Variants in KLHL8 observed in about 807,000 individuals in gnomAD.
The protein encoded by KLHL8 is kelch like family member 8.
In KLHL8, 38 loss-of-function variants were observed where a neutral mutation model predicts 63.5. The ratio of observed to expected loss-of-function variants is 0.60; its 90% CI spans 0.46 to 0.78. The LOEUF (loss-of-function observed/expected upper bound fraction) is 0.78, where lower values mean the gene tolerates loss of function less well. KLHL8 is among the 30% of genes least tolerant of loss of function. The pLI, the probability that KLHL8 is intolerant of heterozygous loss-of-function variation, is 0.00. For synonymous variants in KLHL8, 224 were observed against 254.3 expected (o/e 0.88, Z 1.13); for missense variants, 566 against 752.4 (o/e 0.75, Z 2.90).
Position 87,161,439 on chromosome 4 carries a change from T to G in KLHL8, c.*2080A>C, listed in dbSNP as rs943753416. 1 of 152,174 alleles carries G rather than the reference T, an allele frequency of 6.6e-6. No individual in the cohort carries two copies. The highest frequency in any genetic ancestry group is 6.5e-5 in the Admixed American group (1 of 15,282). The allele number at this position is 152,174 out of a possible 1,614,324, so 9.4% of individuals were successfully genotyped here. ...GAGTATTTCATATTTTACGGGTAGGTAGGGTACCAACTTAGTATGTTAGAT... is the reference window on the plus strand; with the variant it reads ...GAGTATTTCATATTTTACGGGTAGGGAGGGTACCAACTTAGTATGTTAGAT... On this transcript the variant is annotated 3_prime_UTR_variant, in exon 10 of 10. Transcript: ENST00000273963.
At chr4:87,239,346 GAGA>G (rs2110075683) in intron 1 of KLHL8, among the ~76,000 whole-genome samples, 1 of 152,342 alleles carries the variant, frequency 6.6e-6, no homozygotes, top group African/African-American at 2.4e-5. Context: ...GCTTGGAAAG[GAGA>G]CCCCAGGGAG....
intron 8 of KLHL8, among the ~76,000 whole-genome samples, chr4:87,168,762 GTATATA>G (rs759534647): frequency 2.1e-5 from 3 of 141,462 alleles, no homozygotes; most frequent in African/African-American, 7.8e-5. Context: ...ATATGTGTGT[GTATATA>G]TATGTGTATA....
chr4:87,177,706 A>G (rs1730883447), intron 5 of KLHL8, among the ~76,000 whole-genome samples: 1 of 152,094 alleles, frequency 6.6e-6, no homozygotes, highest in African/African-American at 2.4e-5. Context: ...TCCTAGGCTC[A>G]AGTGATCCTT....
intron 1 of KLHL8, among the ~76,000 whole-genome samples, chr4:87,203,725 AAC>A (rs1732008374): frequency 6.6e-6 from 1 of 151,172 alleles, no homozygotes; most frequent in South Asian, 2.1e-4. Flanking sequence ...TTTTGAAGAA[AAC>A]ACAGAAAAAC....
At chr4:87,209,848 G>GTTTTTTTTT (rs35717106) in intron 1 of KLHL8, among the ~76,000 whole-genome samples, 3 of 105,384 alleles carry the variant, frequency 2.8e-5, no homozygotes, top group African/African-American at 9.9e-5. Context: ...TCCGTTTTGG[G>GTTTTTTTTT]TTTTTTTTTT....
chr4:87,163,065 C>T lies in KLHL8; in HGVS notation c.*454G>A, dbSNP rs1730234096. On this transcript the variant is annotated 3_prime_UTR_variant, in exon 10 of 10. Transcript: ENST00000273963. ...ATCAGCACCAAGTAGAAATGATCTT[C>T]AAAAGGGGCAAGTCTCTTATGTATC... 6.6e-6 allele frequency: 1 copy of T among 152,008 alleles called. No homozygotes were observed. Among genetic ancestry groups the T allele is most frequent in the Non-Finnish European group, 1.5e-5 (1 of 68,026 alleles). 9.4% of individuals were successfully genotyped at this position (152,008 alleles called of 1,614,324 possible).
chr4:87,212,190 T>C (rs924949087), intron 1 of KLHL8, among the ~76,000 whole-genome samples: 1 of 152,204 alleles, frequency 6.6e-6, no homozygotes, highest in African/African-American at 2.4e-5. Flanking sequence ...TAGGCTCCAT[T>C]TAGCTAAGAT....
chr4:87,217,231 C>T (rs1015819505), intron 1 of KLHL8, among the ~76,000 whole-genome samples: 1 of 131,520 alleles, frequency 7.6e-6, no homozygotes, highest in Non-Finnish European at 1.6e-5. Flanking sequence ...TAATATAAAC[C>T]ATTTTGTTCA....
upstream of KLHL8, among the ~76,000 whole-genome samples, chr4:87,221,736 T>C (rs1578408296): frequency 6.6e-6 from 1 of 152,126 alleles, no homozygotes; most frequent in African/African-American, 2.4e-5. Flanking sequence ...AGCAACTATT[T>C]GAATTTGAAA....
At chr4:87,181,319 A>G in intron 4 of KLHL8, among the ~76,000 whole-genome samples, 1 of 151,866 alleles carries the variant, frequency 6.6e-6, no homozygotes, top group South Asian at 2.1e-4. Context: ...GGTGGGGCAC[A>G]CAAGAATGGC....
chr4:87,196,754 T>C (rs1376103050), intron 1 of KLHL8, among the ~76,000 whole-genome samples: 1 of 152,206 alleles, frequency 6.6e-6, no homozygotes, highest in Non-Finnish European at 1.5e-5. Flanking sequence ...AAGTTACTAA[T>C]GAAACACCTA....
At chr4:87,228,753 G>T (rs1313664510) in intron 1 of KLHL8, among the ~76,000 whole-genome samples, 2 of 152,152 alleles carry the variant, frequency 1.3e-5, no homozygotes, top group African/African-American at 4.8e-5. Flanking sequence ...AATCAGACAG[G>T]GTATGTGAAT....
chr4:87,192,851 G>A (rs1463653575), intron 2 of KLHL8, among the ~76,000 whole-genome samples: 3 of 152,126 alleles, frequency 2.0e-5, no homozygotes, highest in African/African-American at 7.2e-5. Context: ...GTAACTATCT[G>A]CATATCTAAA....
chr4:87,200,358 T>G (rs1731871528), intron 1 of KLHL8, among the ~76,000 whole-genome samples: 1 of 152,176 alleles, frequency 6.6e-6, no homozygotes, highest in Non-Finnish European at 1.5e-5. Flanking sequence ...TCCTCCTACA[T>G]ATTTTAAATT....
chr4:87,229,438 T>TGG (rs34242868), intron 1 of KLHL8, among the ~76,000 whole-genome samples: 6 of 132,732 alleles, frequency 4.5e-5, no homozygotes, highest in Admixed American at 7.8e-5. Flanking sequence ...TTTTTTTTGG[T>TGG]GGGGGGGGGT....
chr4:87,166,552 T>C (rs1162996791), intron 8 of KLHL8, among the ~76,000 whole-genome samples: 1 of 152,236 alleles, frequency 6.6e-6, no homozygotes, highest in African/African-American at 2.4e-5. Context: ...TTCTGAAAGA[T>C]AGACATTATT....
intron 1 of KLHL8, among the ~76,000 whole-genome samples, chr4:87,203,047 C>G (rs1005254954): frequency 2.6e-5 from 4 of 152,090 alleles, no homozygotes; most frequent in Non-Finnish European, 4.4e-5. Context: ...TTAAACCATA[C>G]TAAACCACCA....
At chr4:87,180,432 C>A (rs1217113647) in intron 4 of KLHL8, among the ~76,000 whole-genome samples, 2 of 152,196 alleles carry the variant, frequency 1.3e-5, no homozygotes, top group Non-Finnish European at 2.9e-5. Context: ...CTCTACAAAA[C>A]CTTTTCTGAC....
chr4:87,216,421 C>A (rs1473431181), intron 1 of KLHL8, among the ~76,000 whole-genome samples: 1 of 152,128 alleles, frequency 6.6e-6, no homozygotes, highest in Non-Finnish European at 1.5e-5. Flanking sequence ...AAGAAACCTG[C>A]CTAGATCATT....
Sources: allele counts gnomAD v4.1 joint callset (sites outside exome capture counted in the v4.1 genomes callset), GRCh38; gene constraint gnomAD v4.1.1; transcripts MANE v1.5; gene names NCBI Gene and HGNC (gene_info 2026-07-23, HGNC 2026-07-21).